The following ITGA8 variants were observed in gnomAD, a reference collection of about 807,000 sequenced individuals.
The protein encoded by ITGA8 is integrin alpha-8.
Under a neutral mutation model 142.3 loss-of-function variants are expected in ITGA8, and 91 were observed. The observed-to-expected ratio is 0.64, with a 90% CI of 0.54 to 0.76. The LOEUF (loss-of-function observed/expected upper bound fraction) is 0.76, where lower values mean the gene tolerates loss of function less well. Among genes scored for constraint, ITGA8 ranks in the 30% least tolerant of loss-of-function variants. The pLI is 0.00. For missense variants in ITGA8, 1,406 were observed against 1,327.7 expected (o/e 1.06, Z -0.92); for synonymous variants, 505 against 485.2 (o/e 1.04, Z -0.54).
At chr10:15,683,940 A>T in intron 4 of ITGA8, 64 bp downstream of exon 4, 1 of 1,589,638 alleles carries the variant, frequency 6.3e-7, no homozygotes, top group South Asian at 1.1e-5. Flanking sequence ...GCCTACCTGC[A>T]CTCCTGTCTA....
intron 15 of ITGA8, among the ~76,000 whole-genome samples, chr10:15,610,419 T>TA (rs1833272415): frequency 6.6e-6 from 1 of 152,206 alleles, no homozygotes; most frequent in Non-Finnish European, 1.5e-5. Flanking sequence ...CTGTAAACTT[T>TA]CATTAAATTA....
chr10:15,544,700 TG>T (rs1475074209), intron 27 of ITGA8, among the ~76,000 whole-genome samples: 9 of 152,330 alleles, frequency 5.9e-5, no homozygotes, highest in African/African-American at 1.9e-4. Context: ...TCTTCCCTCC[TG>T]GTATTCACAC....
chr10:15,701,494 T>C (rs201889494), intron 2 of ITGA8, among the ~76,000 whole-genome samples: 3,239 of 152,284 alleles, frequency 0.021, 125 homozygotes, highest in African/African-American at 0.073. Context: ...GTTCTTTTTT[T>C]TTTCTTCATG....
rs540487638 is a variant in ITGA8, at chr10:15,660,620, A to G, written c.891+259T>C. ...TTTGATCTTTTCCCAGACTAGCAAT[A>G]TGCGATATGATGCTCTTACTTGAGA... On this transcript the variant is annotated intron_variant, in intron 9 of 29. Coordinates refer to ENST00000378076, the MANE Select transcript of ITGA8 (RefSeq NM_003638.3). Among the ~76,000 whole-genome samples, 13 of 152,308 alleles carry G rather than the reference A, an allele frequency of 8.5e-5. 1 individual carries two copies. The Middle Eastern group carries it at 0.014, about 159-fold the overall frequency.
intron 26 of ITGA8, among the ~76,000 whole-genome samples, chr10:15,549,199 C>CTTTTTTTTTTTTTTTTTTT (rs1564346419): frequency 2.0e-5 from 1 of 48,876 alleles, no homozygotes; most frequent in Non-Finnish European, 3.7e-5. Context: ...CTTTTCTTTT[C>CTTTTTTTTTTTTTTTTTTT]TGTTTTTTTT....
intron 13 of ITGA8, among the ~76,000 whole-genome samples, chr10:15,626,707 C>A (rs1267911389): frequency 2.6e-5 from 4 of 151,986 alleles, no homozygotes; most frequent in Non-Finnish European, 4.4e-5. Flanking sequence ...GGCCCTAATC[C>A]AATAGGACCA....
intron 4 of ITGA8, 69 bp downstream of exon 4, chr10:15,683,935 C>T: frequency 6.3e-7 from 1 of 1,575,880 alleles, no homozygotes; most frequent in Non-Finnish European, 8.7e-7. Context: ...TTTGAGCCTA[C>T]CTGCACTCCT....
intron 15 of ITGA8, among the ~76,000 whole-genome samples, chr10:15,608,684 C>A (rs1833241801): frequency 6.6e-6 from 1 of 152,054 alleles, no homozygotes; most frequent in Admixed American, 6.6e-5. Flanking sequence ...AGAATCTGGA[C>A]CCATTTGAGG....
intron 24 of ITGA8, among the ~76,000 whole-genome samples, chr10:15,575,263 A>G (rs1282064705): frequency 2.0e-5 from 3 of 152,020 alleles, no homozygotes; most frequent in East Asian, 3.9e-4. Context: ...GGTGGTGTGT[A>G]CCTGTAGTCC....
intron 13 of ITGA8, among the ~76,000 whole-genome samples, chr10:15,632,903 T>C (rs1833709209): frequency 6.6e-6 from 1 of 152,090 alleles, no homozygotes; most frequent in South Asian, 2.1e-4. Context: ...CTGCTGGTCC[T>C]CATTCTTTAG....
chr10:15,704,887 C>T (rs1471466664), intron 2 of ITGA8, among the ~76,000 whole-genome samples: 1 of 152,192 alleles, frequency 6.6e-6, no homozygotes, highest in Non-Finnish European at 1.5e-5. Context: ...TTTACACTGC[C>T]TCCTGTTACA....
intron 8 of ITGA8, among the ~76,000 whole-genome samples, chr10:15,666,146 A>G (rs1167420872): frequency 6.6e-6 from 1 of 152,204 alleles, no homozygotes; most frequent in Non-Finnish European, 1.5e-5. Context: ...CTTCCTACCC[A>G]TGAGCATGGA....
intron 3 of ITGA8, among the ~76,000 whole-genome samples, chr10:15,684,449 C>T (rs563658268): frequency 4.6e-5 from 7 of 152,094 alleles, no homozygotes; most frequent in Non-Finnish European, 8.8e-5. Context: ...TCACTGTAGC[C>T]GCAACCTCCT....
chr10:15,554,195 A>C lies in ITGA8; in HGVS notation c.2766+3879T>G, dbSNP rs1488003054. The stretch of plus-strand genomic sequence containing the variant: ...GGAGTGCAGGAATGGAAAGGAAGTT[A>C]ATTTAGGACTTCCGCAGCTCCCTGC... On this transcript the variant is annotated intron_variant, in intron 26 of 29. Transcript: ENST00000378076. 2.6e-5 allele frequency among the ~76,000 whole-genome samples: 4 copies of C among 152,264 alleles called. No individual in the cohort carries two copies. The East Asian group carries it at 7.7e-4, about 29-fold the overall frequency.
At chr10:15,552,751 T>G (rs1171636562) in intron 26 of ITGA8, among the ~76,000 whole-genome samples, 2 of 152,240 alleles carry the variant, frequency 1.3e-5, no homozygotes, top group Non-Finnish European at 2.9e-5. Flanking sequence ...GTTCTCACTG[T>G]TCAACTCCCA....
At position 15,670,951 on chromosome 10, in the gene ITGA8, C is replaced by T. The variant is rs576804955; in HGVS notation, c.847+652G>A. Among the ~76,000 whole-genome samples, 4 of 152,260 alleles carry T rather than the reference C, an allele frequency of 2.6e-5. No individual in the cohort carries two copies. In the East Asian group the frequency reaches 7.7e-4, roughly 29 times the overall value. On this transcript the variant is annotated intron_variant, in intron 8 of 29. Transcript: ENST00000378076. ...CCCCTGCCCCTTTGTCTGTCTGACC[C>T]CCCACCGTCATCATCCCAGGCTCCG...
chr10:15,717,041 T>G (rs1429140444), intron 2 of ITGA8, among the ~76,000 whole-genome samples: 2 of 152,212 alleles, frequency 1.3e-5, no homozygotes, highest in Non-Finnish European at 2.9e-5. Flanking sequence ...ACATCTGGAT[T>G]CTCTGGTTTT....
intron 2 of ITGA8, among the ~76,000 whole-genome samples, chr10:15,698,147 A>G (rs1835091734): frequency 6.6e-6 from 1 of 152,196 alleles, no homozygotes; most frequent in Non-Finnish European, 1.5e-5. Context: ...CTTATCAGTG[A>G]GAACATACAA....
chr10:15,695,268 A>G (rs753580253), intron 2 of ITGA8, among the ~76,000 whole-genome samples: 5 of 152,154 alleles, frequency 3.3e-5, no homozygotes, highest in African/African-American at 9.7e-5. Context: ...CCAGGTCTCT[A>G]TGTACTGAGA....
Sources: allele counts gnomAD v4.1 joint callset (sites outside exome capture counted in the v4.1 genomes callset), GRCh38; gene constraint gnomAD v4.1.1; transcripts MANE v1.5; gene names NCBI Gene and HGNC (gene_info 2026-07-23, HGNC 2026-07-21).